Variants in OCLN observed in about 807,000 individuals in gnomAD.
The protein encoded by OCLN is phosphatase 1, regulatory subunit 115.
A neutral mutation model predicts 47.9 loss-of-function variants in OCLN; 21 were observed. The observed-to-expected ratio is 0.44, with a 90% CI of 0.31 to 0.63. The LOEUF (loss-of-function observed/expected upper bound fraction) is 0.63. Ranked by LOEUF, OCLN falls within the 30% of genes least tolerant of loss-of-function variation. The probability of loss-of-function intolerance (pLI) is 0.08; values close to 1 mark genes in which losing one functional copy is unlikely to be tolerated. For missense variants in OCLN, 360 were observed against 571.0 expected (o/e 0.63, Z 3.77); for synonymous variants, 117 against 198.4 (o/e 0.59, Z 3.45).
chr5:69,515,512 G>T (rs1266413089), intron 4 of OCLN, among the ~76,000 whole-genome samples: 2 of 137,010 alleles, frequency 1.5e-5, no homozygotes, highest in Non-Finnish European at 3.1e-5. Flanking sequence ...CCTCCCGGAC[G>T]GGGCGGCTGG....
At chr5:69,515,224 G>A (rs1319074824) in intron 4 of OCLN, among the ~76,000 whole-genome samples, 1 of 146,862 alleles carries the variant, frequency 6.8e-6, no homozygotes, top group Non-Finnish European at 1.5e-5. Context: ...CCCAGTAGGG[G>A]CGGCCGGGCA....
chr5:69,553,921 T>A lies in OCLN; in HGVS notation c.*250T>A, dbSNP rs1387422232. On this transcript the variant is annotated 3_prime_UTR_variant, in exon 9 of 9. Coordinates refer to ENST00000396442, the MANE Select transcript of OCLN (RefSeq NM_001205254.2). The stretch of plus-strand genomic sequence containing the variant: ...CTTGTATTAAGAATGAAATACTGTT[T>A]GAGGTTTTTAAGCCTTAAAGGAAGG... The A allele has an allele frequency of 6.7e-6, 3 of 445,174 alleles. No homozygotes were observed. The highest frequency in any genetic ancestry group is 4.1e-5 in the African/African-American group (2 of 48,220). The allele number at this position is 445,174 out of a possible 1,614,324, so 27.6% of individuals were successfully genotyped here.
At chr5:69,507,521 T>A (rs1768640490) in intron 2 of OCLN, among the ~76,000 whole-genome samples, 1 of 152,240 alleles carries the variant, frequency 6.6e-6, no homozygotes, top group Non-Finnish European at 1.5e-5. Flanking sequence ...CATGTATTCA[T>A]AGTTCATCAG....
chr5:69,513,852 C>A, intron 3 of OCLN, 96 bp from the exon 4 acceptor site: 1 of 1,017,500 alleles, frequency 9.8e-7, no homozygotes, highest in Non-Finnish European at 1.5e-6. Context: ...TTTAGTAGGG[C>A]CTTAGGGTAG....
intron 2 of OCLN, among the ~76,000 whole-genome samples, chr5:69,508,126 C>T (rs1768658706): frequency 6.6e-6 from 1 of 152,018 alleles, no homozygotes; most frequent in Admixed American, 6.6e-5. Context: ...ACCTCTGCCT[C>T]CTGGGTTCAA....
chr5:69,496,193 G>A (rs957625424), intron 1 of OCLN, among the ~76,000 whole-genome samples: 9 of 151,950 alleles, frequency 5.9e-5, no homozygotes, highest in African/African-American at 2.2e-4. Flanking sequence ...CCGCCTCCCG[G>A]GTTCACACCA....
chr5:69,521,007 C>A (rs1381652078), intron 4 of OCLN, among the ~76,000 whole-genome samples: 1 of 152,138 alleles, frequency 6.6e-6, no homozygotes, highest in Non-Finnish European at 1.5e-5. Context: ...GCCACCACGT[C>A]TAGCTAATTT....
At chr5:69,520,295 A>G (rs1157091153) in intron 4 of OCLN, among the ~76,000 whole-genome samples, 1 of 140,426 alleles carries the variant, frequency 7.1e-6, no homozygotes. Context: ...AGTTACCACT[A>G]TGGGGTACTT....
intron 4 of OCLN, among the ~76,000 whole-genome samples, chr5:69,525,807 A>G (rs1769264006): frequency 6.6e-6 from 1 of 152,172 alleles, no homozygotes; most frequent in Admixed American, 6.5e-5. Context: ...CTTTAGGGAA[A>G]GATGTGTTCC....
intron 2 of OCLN, among the ~76,000 whole-genome samples, chr5:69,505,234 G>A (rs1392930293): frequency 6.6e-6 from 1 of 152,064 alleles, no homozygotes; most frequent in Non-Finnish European, 1.5e-5. Context: ...TGGGTGACAA[G>A]AGCAAAACTC....
intron 4 of OCLN, among the ~76,000 whole-genome samples, chr5:69,529,199 G>A (rs1338944797): frequency 6.6e-6 from 1 of 152,164 alleles, no homozygotes; most frequent in Non-Finnish European, 1.5e-5. Flanking sequence ...AAGAATCACG[G>A]TAGGTATTTG....
intron 1 of OCLN, among the ~76,000 whole-genome samples, chr5:69,495,874 T>A (rs1561327079): frequency 6.6e-6 from 1 of 152,164 alleles, no homozygotes; most frequent in Admixed American, 6.6e-5. Flanking sequence ...AGATCTGGGC[T>A]TTCTAGACAG....
chr5:69,509,440 G>T lies in OCLN; in HGVS notation c.350G>T (p.Gly117Val). The stretch of plus-strand genomic sequence containing the variant: ...AGTGGCTTTGGTAGCTACGGAAGTG[G>T]CTATGGCTATGGCTATGGTTATGGC... ...GGSGFGSYGS[G>V]YGYGYGYGYG... The change falls in exon 3 of 9, where the codon GGC (glycine) becomes GTC (valine). Residue 117 changes from glycine to valine, a missense_variant. Around this residue, in one of 3 missense-constraint regions of OCLN, gnomAD observed 314 missense variants for 368.1 expected, o/e 0.85. Transcript: ENST00000396442. The T allele has an allele frequency of 6.2e-7, 1 of 1,613,926 alleles. No individual in the cohort carries two copies.
At chr5:69,531,066 A>G (rs1490313408) in intron 4 of OCLN, among the ~76,000 whole-genome samples, 1 of 152,224 alleles carries the variant, frequency 6.6e-6, no homozygotes, top group Non-Finnish European at 1.5e-5. Context: ...TCATTTCTGG[A>G]AAAGGAACGA....
chr5:69,502,216 G>A (rs1274926129), intron 1 of OCLN, among the ~76,000 whole-genome samples: 2 of 151,218 alleles, frequency 1.3e-5, no homozygotes, highest in South Asian at 2.1e-4. Flanking sequence ...AAAAAGAGTT[G>A]CCATTAATTT....
At chr5:69,535,905 A>C (rs1171551043) in intron 5 of OCLN, among the ~76,000 whole-genome samples, 2 of 152,166 alleles carry the variant, frequency 1.3e-5, no homozygotes, top group Non-Finnish European at 2.9e-5. Flanking sequence ...CAGGTGGATC[A>C]CCTGAGGTCA....
chr5:69,514,989 T>C (rs1323123200), intron 4 of OCLN, among the ~76,000 whole-genome samples: 1 of 152,176 alleles, frequency 6.6e-6, no homozygotes, highest in African/African-American at 2.4e-5. Flanking sequence ...CCCCTTTCTA[T>C]TCCACAAAAC....
intron 4 of OCLN, among the ~76,000 whole-genome samples, chr5:69,520,459 C>G (rs1769104025): frequency 6.6e-6 from 1 of 150,490 alleles, no homozygotes; most frequent in Non-Finnish European, 1.5e-5. Flanking sequence ...TGCCACTGTG[C>G]CCGGCTAATT....
intron 4 of OCLN, among the ~76,000 whole-genome samples, chr5:69,529,154 A>G (rs1181672213): frequency 6.6e-6 from 1 of 152,172 alleles, no homozygotes; most frequent in Admixed American, 6.5e-5. Flanking sequence ...TGGGACCAAC[A>G]TGATGGTGTA....
Sources: gnomAD v4.1 joint callset for allele counts (sites outside exome capture counted in the v4.1 genomes callset) on GRCh38, gnomAD v4.1.1 for gene constraint, gnomAD v4.1.1 regional missense constraint, MANE v1.5 for transcripts, NCBI Gene and HGNC (gene_info 2026-07-23, HGNC 2026-07-21) for gene names.